Variants in OSTF1 observed in about 807,000 individuals in gnomAD.
OSTF1 encodes the protein osteoclast-stimulating factor 1.
A neutral mutation model predicts 37.2 loss-of-function variants in OSTF1; 27 were observed. The ratio of observed to expected loss-of-function variants is 0.73; its 90% CI spans 0.54 to 1.00. The LOEUF (loss-of-function observed/expected upper bound fraction) is 1.00, where lower values mean the gene tolerates loss of function less well. Ranked by LOEUF, OSTF1 falls within the 50% of genes least tolerant of loss-of-function variation. The probability of loss-of-function intolerance (pLI) is 0.00; values close to 1 mark genes in which losing one functional copy is unlikely to be tolerated. For synonymous variants in OSTF1, 82 were observed against 89.2 expected, an observed-to-expected ratio of 0.92 and a Z score of 0.46; for missense variants, 232 against 253.8, an observed-to-expected ratio of 0.91 and a Z score of 0.58.
intron 1 of OSTF1, among the ~76,000 whole-genome samples, chr9:75,107,209 C>G (rs1019430899): frequency 9.2e-5 from 14 of 151,976 alleles, no homozygotes; most frequent in African/African-American, 3.1e-4. Flanking sequence ...ACGGACTCCC[C>G]CTGTTTTGTT....
chr9:75,106,992 A>AAAG lies in OSTF1; in HGVS notation c.35-10510_35-10509insGAA, dbSNP rs202126139. ...AAAAGAAAAAGAAAAAAAAAGAAAA[A>AAAG]AAAAAAAAAGCAGTGGGCTTTTGTG... On this transcript the variant is annotated intron_variant, in intron 1 of 9. Coordinates refer to ENST00000346234, the MANE Select transcript of OSTF1 (RefSeq NM_012383.5). Among the ~76,000 whole-genome samples, 205 of 139,992 alleles carry AAAG rather than the reference A, an allele frequency of 1.5e-3. 1 individual carries two copies. The highest frequency in any genetic ancestry group is 5.7e-3 in the African/African-American group (200 of 35,122). 91.8% of individuals were successfully genotyped at this position (139,992 alleles called of 152,430 possible).
intron 1 of OSTF1, among the ~76,000 whole-genome samples, chr9:75,095,305 T>C (rs948144588): frequency 2.0e-5 from 3 of 152,210 alleles, no homozygotes; most frequent in African/African-American, 7.2e-5. Flanking sequence ...AAATCGCTTT[T>C]CAAAGAGGTC....
intron 2 of OSTF1, among the ~76,000 whole-genome samples, chr9:75,118,186 C>T (rs1825522681): frequency 6.6e-6 from 1 of 152,104 alleles, no homozygotes; most frequent in Non-Finnish European, 1.5e-5. Context: ...GGGTTAGGAG[C>T]AAAGAAGTTA....
chr9:75,088,751 G>A, intron 1 of OSTF1, 25 bp downstream of exon 1: 1 of 1,595,234 alleles, frequency 6.3e-7, no homozygotes, highest in Non-Finnish European at 8.5e-7. Flanking sequence ...GTAGGCGCTT[G>A]CCAGGTCCTG....
intron 3 of OSTF1, among the ~76,000 whole-genome samples, chr9:75,129,654 A>T (rs1213255727): frequency 6.6e-6 from 1 of 152,224 alleles, no homozygotes; most frequent in African/African-American, 2.4e-5. Flanking sequence ...AACATGCTTA[A>T]TGATAACACA....
At chr9:75,122,944 AAATAT>A (rs1326331316) in intron 2 of OSTF1, among the ~76,000 whole-genome samples, 1 of 152,226 alleles carries the variant, frequency 6.6e-6, no homozygotes, top group Non-Finnish European at 1.5e-5. Context: ...ACTTTTCATA[AAATAT>A]ATTTGCATAA....
intron 1 of OSTF1, among the ~76,000 whole-genome samples, chr9:75,106,982 A>G (rs1825297622): frequency 1.4e-5 from 2 of 147,700 alleles, no homozygotes; most frequent in Middle Eastern, 3.4e-3. Flanking sequence ...AAAAAGAAAA[A>G]AAAAGAAAAA....
At chr9:75,099,277 T>TA (rs1564154020) in intron 1 of OSTF1, among the ~76,000 whole-genome samples, 1 of 149,920 alleles carries the variant, frequency 6.7e-6, no homozygotes. Flanking sequence ...TTTTTTTTTT[T>TA]AATTAAGAAA....
At chr9:75,110,243 G>A (rs1039674501) in intron 1 of OSTF1, among the ~76,000 whole-genome samples, 22 of 152,154 alleles carry the variant, frequency 1.4e-4, no homozygotes, top group South Asian at 6.2e-4. Flanking sequence ...ACTGTACACT[G>A]CCTTTTCAAC....
chr9:75,146,696 A>T lies in OSTF1; in HGVS notation c.600A>T (p.Thr200=), dbSNP rs778203380. The T allele has an allele frequency of 1.9e-6, 3 of 1,610,366 alleles. No individual in the cohort carries two copies. The highest frequency in any genetic ancestry group is 1.3e-5 in the African/African-American group (1 of 74,760). ...TCTTTCTTTCAGATGCAGTTCGAAC[A>T]TTAAGCAATGCCGAGGACTATCTCG... The part of the protein sequence containing the change: ...KKKQGTDAVR[T]LSNAEDYLDD... Residue 200 remains threonine (T), a synonymous_variant, in exon 10 of 10, where the codon ACA becomes ACT. Coordinates refer to ENST00000346234, the MANE Select transcript of OSTF1 (RefSeq NM_012383.5).
intron 1 of OSTF1, among the ~76,000 whole-genome samples, chr9:75,096,712 C>T (rs1021811235): frequency 2.6e-5 from 4 of 152,184 alleles, no homozygotes; most frequent in African/African-American, 4.8e-5. Flanking sequence ...TGTGTGTCTT[C>T]GAGGAACTTC....
chr9:75,146,233 A>G (rs548343234), intron 9 of OSTF1, among the ~76,000 whole-genome samples: 1 of 152,168 alleles, frequency 6.6e-6, no homozygotes. Flanking sequence ...TGTTTTCTAC[A>G]TTGAAATGGA....
At chr9:75,126,034 C>T (rs967860090) in intron 2 of OSTF1, among the ~76,000 whole-genome samples, 1 of 152,068 alleles carries the variant, frequency 6.6e-6, no homozygotes, top group Non-Finnish European at 1.5e-5. Flanking sequence ...CTCAGCCTCC[C>T]GAATAGCTGG....
intron 1 of OSTF1, among the ~76,000 whole-genome samples, chr9:75,100,436 A>G (rs1450290979): frequency 6.6e-6 from 1 of 151,744 alleles, no homozygotes; most frequent in Non-Finnish European, 1.5e-5. Context: ...TTTTTTTTAA[A>G]AAAGTCTCTG....
chr9:75,134,957 C>T (rs1240206868), intron 7 of OSTF1, among the ~76,000 whole-genome samples: 6 of 152,146 alleles, frequency 3.9e-5, no homozygotes, highest in Non-Finnish European at 7.3e-5. Flanking sequence ...ATATATAATA[C>T]TTTTCCAAAA....
At chr9:75,107,907 A>G (rs1424223096) in intron 1 of OSTF1, among the ~76,000 whole-genome samples, 1 of 152,170 alleles carries the variant, frequency 6.6e-6, no homozygotes, top group Non-Finnish European at 1.5e-5. Flanking sequence ...AGTAATGCAA[A>G]CAAGGCATGA....
intron 1 of OSTF1, among the ~76,000 whole-genome samples, chr9:75,102,269 C>A (rs116233840): frequency 0.024 from 3,637 of 152,282 alleles, 48 homozygotes; most frequent in African/African-American, 0.029. Flanking sequence ...TCTACCACAC[C>A]CAGCCAGTGA....
At chr9:75,145,171 C>CTATG (rs1826002786) in intron 9 of OSTF1, among the ~76,000 whole-genome samples, 1 of 63,030 alleles carries the variant, frequency 1.6e-5, no homozygotes, top group Non-Finnish European at 3.2e-5. Context: ...ACCTATCTAT[C>CTATG]TATCTAATCT....
At chr9:75,135,776 C>T (rs760034337) in intron 7 of OSTF1, among the ~76,000 whole-genome samples, 72 of 152,294 alleles carry the variant, frequency 4.7e-4, no homozygotes, top group Middle Eastern at 3.4e-3. Context: ...GCTGGATTCT[C>T]ATCTGGAGCT....
Sources: allele counts gnomAD v4.1 joint callset (sites outside exome capture counted in the v4.1 genomes callset), GRCh38; gene constraint gnomAD v4.1.1; transcripts MANE v1.5; gene names NCBI Gene and HGNC (gene_info 2026-07-23, HGNC 2026-07-21).